The following CUL2 variants were observed in gnomAD, a reference collection of about 807,000 sequenced individuals.
CUL2 encodes the protein cullin 2, also known as cullin-2.
CUL2 carries 22 observed loss-of-function variants against 110.2 expected under a neutral mutation model. That is an observed-to-expected ratio of 0.20 (90% CI 0.14 to 0.28). The LOEUF (loss-of-function observed/expected upper bound fraction) is 0.28. CUL2 is among the 10% of genes least tolerant of loss of function. The pLI is 1.00. For synonymous variants in CUL2, 279 were observed against 293.2 expected (o/e 0.95, Z 0.49); for missense variants, 631 against 905.5 (o/e 0.70, Z 3.89).
intron 9 of CUL2, among the ~76,000 whole-genome samples, chr10:35,035,666 T>A (rs2085603511): frequency 6.6e-6 from 1 of 152,230 alleles, no homozygotes; most frequent in African/African-American, 2.4e-5. Context: ...CAGTACTCCA[T>A]TATGTGGATA....
chr10:35,010,724 G>C (rs1274608056), intron 20 of CUL2, among the ~76,000 whole-genome samples: 1 of 152,158 alleles, frequency 6.6e-6, no homozygotes, highest in Non-Finnish European at 1.5e-5. Flanking sequence ...ACTTTCTCAA[G>C]AAAGTTTTCC....
upstream of CUL2, among the ~76,000 whole-genome samples, chr10:35,093,132 C>T (rs1185377091): frequency 6.6e-6 from 1 of 152,112 alleles, no homozygotes; most frequent in African/African-American, 2.4e-5. Context: ...ATGATTCCAT[C>T]CCCAACCCAT....
chr10:35,037,562 G>A (rs940020157), intron 9 of CUL2, among the ~76,000 whole-genome samples: 2 of 152,144 alleles, frequency 1.3e-5, no homozygotes, highest in African/African-American at 2.4e-5. Flanking sequence ...TAAAAAACAC[G>A]GGGCCAAGGG....
chr10:35,044,337 T>C (rs1013792841), intron 8 of CUL2, among the ~76,000 whole-genome samples: 7 of 152,108 alleles, frequency 4.6e-5, no homozygotes, highest in African/African-American at 1.7e-4. Flanking sequence ...GCAGTCAGGA[T>C]TTATCAAAAA....
chr10:35,045,506 A>G (rs1444784381), intron 6 of CUL2, among the ~76,000 whole-genome samples: 1 of 141,148 alleles, frequency 7.1e-6, no homozygotes, highest in Non-Finnish European at 1.5e-5. Flanking sequence ...TTGAGTCCTG[A>G]GTTTGAGACT....
intron 16 of CUL2, 49 bp from the exon 17 acceptor site, chr10:35,025,247 G>C: frequency 6.6e-7 from 1 of 1,516,918 alleles, no homozygotes; most frequent in South Asian, 1.3e-5. Flanking sequence ...ACTATAACTT[G>C]CCTAGTTAAT....
intron 5 of CUL2, among the ~76,000 whole-genome samples, chr10:35,051,706 C>A: frequency 6.6e-6 from 1 of 152,150 alleles, no homozygotes; most frequent in East Asian, 1.9e-4. Flanking sequence ...GTTTATTGTC[C>A]ATTTTGGGTT....
At chr10:35,090,688 G>A (rs1371576772), upstream of CUL2, 1 of 152,346 alleles carries the variant, frequency 6.6e-6, no homozygotes, top group Non-Finnish European at 1.5e-5. Context: ...AGCTTCGTGT[G>A]ATTGCGAAAG....
At chr10:35,091,384 C>G (rs1013242798), upstream of CUL2, among the ~76,000 whole-genome samples, 11 of 152,220 alleles carry the variant, frequency 7.2e-5, no homozygotes, top group Non-Finnish European at 1.5e-4. Flanking sequence ...TCCTCCTCTT[C>G]TAATCTGCTT....
At chr10:35,118,287 A>T (rs935465735) in intron 1 of CUL2, 10 of 152,166 alleles carry the variant, frequency 6.6e-5, no homozygotes, top group Non-Finnish European at 1.3e-4. Context: ...GGAAATTCTC[A>T]GCAATAATTC....
At chr10:35,051,750 C>T (rs982294142) in intron 5 of CUL2, among the ~76,000 whole-genome samples, 1 of 152,118 alleles carries the variant, frequency 6.6e-6, no homozygotes, top group South Asian at 2.1e-4. Context: ...TAATTTTGCC[C>T]GTTAGTCTGT....
intron 17 of CUL2, among the ~76,000 whole-genome samples, chr10:35,016,958 T>G (rs1212608481): frequency 1.3e-5 from 2 of 150,680 alleles, no homozygotes; most frequent in Non-Finnish European, 3.0e-5. Flanking sequence ...AAAAAAGTCT[T>G]TAAATATTAA....
chr10:35,113,936 C>A (rs1044595782), intron 1 of CUL2, among the ~76,000 whole-genome samples: 8 of 151,126 alleles, frequency 5.3e-5, no homozygotes, highest in African/African-American at 1.9e-4. Context: ...GAGACAGAGT[C>A]TCACTCTGTC....
chr10:35,044,641 A>C lies in CUL2; in HGVS notation c.639T>G (p.Thr213=). Residue 213 remains threonine, a synonymous_variant, in exon 8 of 21, where the codon ACT becomes ACG. Coordinates refer to ENST00000374749, the MANE Select transcript of CUL2 (RefSeq NM_003591.4). Reference sequence around the variant, plus strand: ...CTTGTTTGTAATACTCTCCTGTTTCAGTCAGAAAGGGAGACTCAAAAATTT... The same window carrying C: ...CTTGTTTGTAATACTCTCCTGTTTCCGTCAGAAAGGGAGACTCAAAAATTT... ...YQEIFESPFL[T]ETGEYYKQEA... 6.2e-7 allele frequency: 1 copy of C among 1,611,058 alleles called. No homozygotes were observed.
chr10:35,062,732 G>C (rs1471034213), intron 3 of CUL2, among the ~76,000 whole-genome samples: 2 of 151,916 alleles, frequency 1.3e-5, no homozygotes, highest in Non-Finnish European at 2.9e-5. Flanking sequence ...AGCTACTCGG[G>C]AGGCTGAGGT....
chr10:35,079,978 G>T (rs1371922503), intron 1 of CUL2, among the ~76,000 whole-genome samples: 1 of 152,182 alleles, frequency 6.6e-6, no homozygotes, highest in Non-Finnish European at 1.5e-5. Context: ...CGTCTGAGCA[G>T]GACAGTGCAA....
chr10:35,047,591 C>T (rs1181414576), intron 6 of CUL2, among the ~76,000 whole-genome samples: 5 of 134,694 alleles, frequency 3.7e-5, no homozygotes, highest in African/African-American at 1.4e-4. Flanking sequence ...ACCTGGGCAA[C>T]AGAGCAAGAC....
At chr10:35,086,454 A>G (rs988132710) in intron 1 of CUL2, among the ~76,000 whole-genome samples, 26 of 151,942 alleles carry the variant, frequency 1.7e-4, no homozygotes, top group African/African-American at 6.0e-4. Context: ...CACCTGGCTA[A>G]TTTCTGTATT....
Position 35,031,435 on chromosome 10 carries a change from C to G in CUL2, c.1300-49G>C. Reference sequence around the variant, plus strand: ...GATTACTTCCTTTCTAATGATTTAGCATTCAGAAATAAAGTTGACCAAAAT... The same window carrying G: ...GATTACTTCCTTTCTAATGATTTAGGATTCAGAAATAAAGTTGACCAAAAT... On this transcript the variant is annotated intron_variant, in intron 13 of 20. Coordinates refer to ENST00000374749, the MANE Select transcript of CUL2 (RefSeq NM_003591.4). This position sits in a 1 kb window ranked among gnomAD's most constrained non-coding sequence, Gnocchi z 4.4. 3 of 1,597,654 alleles carry G rather than the reference C, an allele frequency of 1.9e-6. No homozygotes were observed. The highest frequency in any genetic ancestry group is 1.7e-6 in the Non-Finnish European group (2 of 1,169,880).
Sources: gnomAD v4.1 joint callset for allele counts (sites outside exome capture counted in the v4.1 genomes callset) on GRCh38, gnomAD v4.1.1 for gene constraint, Gnocchi (gnomAD v3.1) non-coding constraint, MANE v1.5 for transcripts, NCBI Gene and HGNC (gene_info 2026-07-23, HGNC 2026-07-21) for gene names.